Variants in LOC400499 observed in about 807,000 individuals in gnomAD.
At chr16:11,448,698 G>A in the LOC400499 span, among the ~76,000 whole-genome samples, 1 of 152,058 alleles carries the variant, frequency 6.6e-6, no homozygotes, top group Non-Finnish European at 1.5e-5. Flanking sequence ...CTGAACTCCA[G>A]CCTGGGCAAC....
chr16:11,526,914 G>C, the LOC400499 span, among the ~76,000 whole-genome samples: 1 of 152,142 alleles, frequency 6.6e-6, no homozygotes, highest in Non-Finnish European at 1.5e-5. Context: ...GAGGATGCTG[G>C]TGGAGCATGT....
At chr16:11,385,467 C>G in the LOC400499 span, 2 of 1,184,150 alleles carry the variant, frequency 1.7e-6, no homozygotes, top group Non-Finnish European at 2.1e-6. Context: ...CTCCACCCAC[C>G]GCAGTAGGAG....
At chr16:11,492,997 A>G in the LOC400499 span, among the ~76,000 whole-genome samples, 1 of 152,132 alleles carries the variant, frequency 6.6e-6, no homozygotes, top group African/African-American at 2.4e-5. Flanking sequence ...AGGAAAGAGC[A>G]TGTGCAAAGG....
At chr16:11,464,047 ACT>A in the LOC400499 span, among the ~76,000 whole-genome samples, 38 of 152,162 alleles carry the variant, frequency 2.5e-4, no homozygotes, top group African/African-American at 8.7e-4. Flanking sequence ...ATGTGTATGG[ACT>A]CTGTACAGAC....
the LOC400499 span, among the ~76,000 whole-genome samples, chr16:11,486,644 TTGGATGAATGGATGATG>T: frequency 2.6e-5 from 1 of 37,984 alleles, no homozygotes; most frequent in Non-Finnish European, 5.2e-5. Context: ...GGTGGGTGGG[TTGGATGAATGGATGATG>T]GGTGGGTAGG....
At chr16:11,419,357 C>G in the LOC400499 span, among the ~76,000 whole-genome samples, 2 of 151,792 alleles carry the variant, frequency 1.3e-5, no homozygotes, top group South Asian at 4.2e-4. Flanking sequence ...GGAAAGGATT[C>G]CCTATTTAAT....
the LOC400499 span, among the ~76,000 whole-genome samples, chr16:11,493,453 G>A: frequency 6.6e-6 from 1 of 152,144 alleles, no homozygotes; most frequent in East Asian, 1.9e-4. Flanking sequence ...TTGTGTTTTT[G>A]ATAAATAATC....
chr16:11,457,585 C>A, the LOC400499 span, among the ~76,000 whole-genome samples: 1 of 129,662 alleles, frequency 7.7e-6, no homozygotes, highest in African/African-American at 3.0e-5. Context: ...GGGCCAGACT[C>A]CATCTCAAAA....
At chr16:11,499,795 C>T in the LOC400499 span, among the ~76,000 whole-genome samples, 1 of 152,124 alleles carries the variant, frequency 6.6e-6, no homozygotes, top group East Asian at 1.9e-4. Flanking sequence ...CACTATTAGC[C>T]GGGACAAGAT....
At chr16:11,379,535 A>G in the LOC400499 span, among the ~76,000 whole-genome samples, 1 of 151,888 alleles carries the variant, frequency 6.6e-6, no homozygotes, top group Non-Finnish European at 1.5e-5. Flanking sequence ...CTGATGGTGG[A>G]ATTCATTTGT....
the LOC400499 span, chr16:11,449,101 T>G: frequency 6.9e-7 from 1 of 1,451,852 alleles, no homozygotes; most frequent in South Asian, 1.3e-5. Flanking sequence ...ACTGTCACTG[T>G]GGAAACCTGC....
chr16:11,473,567 C>G, the LOC400499 span, among the ~76,000 whole-genome samples: 1 of 151,990 alleles, frequency 6.6e-6, no homozygotes, highest in African/African-American at 2.4e-5. Context: ...CCAGCCTGGC[C>G]AATGTGGTAA....
chr16:11,453,471 C>G, the LOC400499 span, among the ~76,000 whole-genome samples: 1 of 151,982 alleles, frequency 6.6e-6, no homozygotes, highest in Non-Finnish European at 1.5e-5. Context: ...GATAAAACTC[C>G]CTGAAATTCT....
the LOC400499 span, chr16:11,470,675 G>T: frequency 6.6e-6 from 1 of 152,318 alleles, no homozygotes; most frequent in Non-Finnish European, 1.5e-5. Context: ...CGACCGCGTG[G>T]AGCCTACGTC....
At chr16:11,527,195 G>A in the LOC400499 span, among the ~76,000 whole-genome samples, 30 of 152,308 alleles carry the variant, frequency 2.0e-4, no homozygotes, top group Middle Eastern at 3.4e-3. Context: ...GGCCAGCCCC[G>A]TGCCACCAGC....
At chr16:11,457,281 G>A in the LOC400499 span, 18 of 478,472 alleles carry the variant, frequency 3.8e-5, no homozygotes, top group East Asian at 6.5e-4. Context: ...GTGGAAAACA[G>A]TGTGGCAGTT....
the LOC400499 span, chr16:11,446,800 C>A: frequency 6.5e-7 from 1 of 1,536,158 alleles, no homozygotes. Context: ...GGTTTCCTCT[C>A]GGCCATTCAG....
the LOC400499 span, chr16:11,473,116 A>AAAATAAATAAATAAATAAAT: frequency 4.2e-3 from 623 of 148,294 alleles, 6 homozygotes; most frequent in African/African-American, 0.015. Flanking sequence ...ACGCTATCTC[A>AAAATAAATAAATAAATAAAT]AAATAAATAA....
chr16:11,512,515 C>T, the LOC400499 span, among the ~76,000 whole-genome samples: 1 of 151,720 alleles, frequency 6.6e-6, no homozygotes, highest in African/African-American at 2.4e-5. Flanking sequence ...GGCAGGAGCA[C>T]TGCGTGAACC....
Sources: allele counts gnomAD v4.1 joint callset (sites outside exome capture counted in the v4.1 genomes callset), GRCh38; gene constraint gnomAD v4.1.1; transcripts MANE v1.5.